Variants in TARDBP observed in about 807,000 individuals in gnomAD.
TARDBP encodes the protein TAR DNA binding protein, also known as TAR DNA-binding protein 43.
In TARDBP, 4 loss-of-function variants were observed where a neutral mutation model predicts 38.3. The ratio of observed to expected loss-of-function variants is 0.10; its 90% CI spans 0.05 to 0.24. The LOEUF (loss-of-function observed/expected upper bound fraction) is 0.24. TARDBP is among the 10% of genes least tolerant of loss of function. The probability of loss-of-function intolerance (pLI) is 1.00; values close to 1 mark genes in which losing one functional copy is unlikely to be tolerated. For synonymous variants in TARDBP, 184 were observed against 183.8 expected, an observed-to-expected ratio of 1.00 and a Z score of -0.01; for missense variants, 202 against 521.9, an observed-to-expected ratio of 0.39 and a Z score of 5.97.
At chr1:11,017,983 T>C (rs1257836319) in intron 3 of TARDBP, among the ~76,000 whole-genome samples, 1 of 151,926 alleles carries the variant, frequency 6.6e-6, no homozygotes, top group Admixed American at 6.6e-5. Context: ...CCCGGGTTCA[T>C]GCCATTCTCC....
chr1:11,015,817 C>T (rs1643511455), intron 2 of TARDBP, among the ~76,000 whole-genome samples: 1 of 151,832 alleles, frequency 6.6e-6, no homozygotes, highest in African/African-American at 2.4e-5. Flanking sequence ...GATCTTGGCT[C>T]ACTGCAACCT....
chr1:11,025,381 C>G lies in TARDBP; in HGVS notation c.*2727C>G, dbSNP rs1488463210. 6.6e-6 allele frequency: 1 copy of G among 152,104 alleles called. No homozygotes were observed. 9.4% of individuals were successfully genotyped at this position (152,104 alleles called of 1,614,324 possible). On this transcript the variant is annotated 3_prime_UTR_variant, in exon 6 of 6. Transcript: ENST00000240185. ...AAGAAGATTTTGAAGTTTAAAAGTA[C>G]TTAAACTATTTGGCAAAGATTTGTT...
In TARDBP at chr1:11,023,004, A is replaced by G. The variant is rs1474696813; in HGVS notation, c.*350A>G. On this transcript the variant is annotated 3_prime_UTR_variant, in exon 6 of 6. Coordinates refer to ENST00000240185, the MANE Select transcript of TARDBP (RefSeq NM_007375.4). ...TCTTTGCATGTTCAAAACGGAAACC[A>G]TTGATTAGAACTACATTCTTTACCC... is the stretch of plus-strand genomic sequence containing the variant. 7.1e-7 allele frequency: 1 copy of G among 1,408,906 alleles called. No individual in the cohort carries two copies. The highest frequency in any genetic ancestry group is 9.3e-7 in the Non-Finnish European group (1 of 1,079,378). The allele number at this position is 1,408,906 out of a possible 1,614,324, so 87.3% of individuals were successfully genotyped here.
At chr1:11,014,792 C>G (rs1643482298) in intron 2 of TARDBP, among the ~76,000 whole-genome samples, 7 of 152,082 alleles carry the variant, frequency 4.6e-5, no homozygotes, top group Admixed American at 4.6e-4. Context: ...CACAAAATCT[C>G]TGGATGTGGT....
intron 5 of TARDBP, 121 bp downstream of exon 5, chr1:11,020,720 A>G: frequency 1.0e-6 from 1 of 986,722 alleles, no homozygotes; most frequent in Admixed American, 1.9e-5. Flanking sequence ...ATCCTGGCCA[A>G]CATGGTGAAA....
At chr1:11,027,510 A>C (rs781698149), downstream of TARDBP, 19 of 1,614,060 alleles carry the variant, frequency 1.2e-5, no homozygotes, top group Admixed American at 5.0e-5. Flanking sequence ...AGCAGCTGTT[A>C]GGACCCAGTT....
rs1478143650 is a variant in TARDBP at position 11,022,291 on chromosome 1, G to A, written c.882G>A (p.Gly294=). The A allele has an allele frequency of 6.2e-7, 1 of 1,613,868 alleles. No homozygotes were observed. Among genetic ancestry groups the A allele is most frequent in the African/African-American group, 1.3e-5 (1 of 74,904 alleles). ...AGGGTGGATTTGGTAATAGCAGAGG[G>A]GGTGGAGCTGGTTTGGGAAACAATC... is the stretch of plus-strand genomic sequence containing the variant. ...GNQGGFGNSR[G]GGAGLGNNQG... The change falls in exon 6 of 6, where the codon GGG becomes GGA. Residue 294 remains glycine, a synonymous_variant. Transcript: ENST00000240185. This position sits in a 1 kb window ranked among gnomAD's most constrained non-coding sequence, Gnocchi z 4.5.
In TARDBP at chr1:11,016,896, A is replaced by G; in HGVS notation, c.291A>G (p.Lys97=). The change falls in exon 3 of 6, where the codon AAA becomes AAG. Residue 97 remains lysine, a synonymous_variant. Transcript: ENST00000240185. The part of the protein sequence containing the change: ...ETDASSAVKV[K]RAVQKTSDLI... ...ATGCTTCATCAGCAGTGAAAGTGAA[A>G]AGAGCAGTCCAGAAAACATCCGATT... is the stretch of plus-strand genomic sequence containing the variant. 6.2e-7 allele frequency: 1 copy of G among 1,614,236 alleles called. No homozygotes were observed. The highest frequency in any genetic ancestry group is 2.2e-5 in the East Asian group (1 of 44,874).
At chr1:11,027,244 C>G (rs151221694), downstream of TARDBP, 12 of 1,614,068 alleles carry the variant, frequency 7.4e-6, no homozygotes, top group African/African-American at 1.3e-4. Context: ...GATGCAGTTC[C>G]AATGTCATCT....
chr1:11,017,109 G>A (rs1643538723), intron 3 of TARDBP, 102 bp downstream of exon 3: 1 of 1,354,656 alleles, frequency 7.4e-7, no homozygotes, highest in Admixed American at 1.7e-5. Context: ...ATGTTCCCTA[G>A]GTTCTGGCGT....
chr1:11,017,375 T>C (rs1643548865), intron 3 of TARDBP, among the ~76,000 whole-genome samples: 1 of 152,104 alleles, frequency 6.6e-6, no homozygotes, highest in Non-Finnish European at 1.5e-5. Context: ...GCTAATTTTG[T>C]ATTTTTAGTA....
chr1:11,017,832 G>C (rs1280390681), intron 3 of TARDBP, among the ~76,000 whole-genome samples: 2 of 152,072 alleles, frequency 1.3e-5, no homozygotes, highest in African/African-American at 2.4e-5. Context: ...AGGGTTGCTT[G>C]AGGCCAGGAG....
intron 3 of TARDBP, among the ~76,000 whole-genome samples, chr1:11,018,113 A>G (rs900516041): frequency 6.6e-6 from 1 of 151,380 alleles, no homozygotes; most frequent in South Asian, 2.1e-4. Context: ...CGATCTCCTG[A>G]CCTCATGATC....
downstream of TARDBP, chr1:11,027,776 A>AC: frequency 2.2e-5 from 20 of 917,992 alleles, no homozygotes; most frequent in Admixed American, 2.9e-5. Flanking sequence ...TTGGTGGGTG[A>AC]CTACCTATAC....
downstream of TARDBP, chr1:11,030,261 T>C (rs776401799): frequency 1.2e-5 from 20 of 1,604,968 alleles, no homozygotes; most frequent in East Asian, 4.5e-5. Context: ...CTGCAAATCA[T>C]TGGAAAAGCA....
In TARDBP at chr1:11,024,398, A is replaced by C. The variant is rs923937129; in HGVS notation, c.*1744A>C. 6.6e-6 allele frequency: 1 copy of C among 152,556 alleles called. No homozygotes were observed. The highest frequency in any genetic ancestry group is 1.5e-5 in the Non-Finnish European group (1 of 68,046). The allele number at this position is 152,556 out of a possible 1,614,324, so 9.5% of individuals were successfully genotyped here. A position where few individuals can be genotyped will look rare whatever the true frequency, so the allele number is the denominator to read the frequency against. Reference sequence around the variant, plus strand: ...TGCATTTGGGTGATGTTCTATTTACATGGCCTGTGTAAATCTCCATTGGGA... The same window carrying C: ...TGCATTTGGGTGATGTTCTATTTACCTGGCCTGTGTAAATCTCCATTGGGA... On this transcript the variant is annotated 3_prime_UTR_variant, in exon 6 of 6. Transcript: ENST00000240185.
In TARDBP at chr1:11,013,855, A is replaced by G. The variant is rs1239871361; in HGVS notation, c.128A>G (p.Tyr43Cys). 1 of 1,614,020 alleles carries G rather than the reference A, an allele frequency of 6.2e-7. No homozygotes were observed. The highest frequency in any genetic ancestry group is 8.5e-7 in the Non-Finnish European group (1 of 1,179,982). Residue 43 changes from tyrosine to cysteine, a missense_variant, in exon 2 of 6, where the codon TAC becomes TGC. Physicochemically the swap from Tyr to Cys is radical, Grantham distance 194 (BLOSUM62 -2). Coordinates refer to ENST00000240185, the MANE Select transcript of TARDBP (RefSeq NM_007375.4). ...TTTCCAGGGGCGTGTGGGCTTCGCT[A>G]CAGGAATCCAGTGTCTCAGTGTATG... ...AQFPGACGLRYRNPVSQCMRG... is the reference protein window; with the variant it reads ...AQFPGACGLRCRNPVSQCMRG...
At chr1:11,016,172 C>T (rs1163811318) in intron 2 of TARDBP, 1 of 152,440 alleles carries the variant, frequency 6.6e-6, no homozygotes, top group Admixed American at 6.5e-5. Context: ...AACTCCTGAC[C>T]TTGTGATCCA....
chr1:11,027,884 AC>A (rs1643766377), downstream of TARDBP, among the ~76,000 whole-genome samples: 1 of 152,190 alleles, frequency 6.6e-6, no homozygotes, highest in South Asian at 2.1e-4. Flanking sequence ...GTGAAAACTG[AC>A]TTTTAGAAGT....
Sources: allele counts gnomAD v4.1 joint callset (sites outside exome capture counted in the v4.1 genomes callset), GRCh38; gene constraint gnomAD v4.1.1; non-coding constraint Gnocchi (gnomAD v3.1); transcripts MANE v1.5; gene names NCBI Gene and HGNC (gene_info 2026-07-23, HGNC 2026-07-21).